Variants in GALNT13 observed in about 807,000 individuals in gnomAD.
The protein encoded by GALNT13 is polypeptide N-acetylgalactosaminyltransferase 13, also known as UDP-GalNAc:polypeptide N-acetylgalactosaminyltransferase 13.
GALNT13 carries 28 observed loss-of-function variants against 64.2 expected under a neutral mutation model. The observed-to-expected ratio is 0.44, with a 90% confidence interval of 0.32 to 0.60. The LOEUF is 0.60. Ranked by LOEUF, GALNT13 falls within the 20% of genes least tolerant of loss-of-function variation. The probability of loss-of-function intolerance (pLI) is 0.05; values close to 1 mark genes in which losing one functional copy is unlikely to be tolerated. For synonymous variants in GALNT13, 214 were observed against 224.6 expected (o/e 0.95, Z 0.42); for missense variants, 577 against 669.8 (o/e 0.86, Z 1.53).
chr2:154,333,030 G>A (rs1486369726), intron 9 of GALNT13, among the ~76,000 whole-genome samples: 1 of 151,980 alleles, frequency 6.6e-6, no homozygotes, highest in Admixed American at 6.6e-5. Context: ...TGCTTCTGTA[G>A]AGTTACCTTG....
At chr2:153,875,448 C>T (rs1278198891) in intron 1 of GALNT13, among the ~76,000 whole-genome samples, 1 of 152,114 alleles carries the variant, frequency 6.6e-6, no homozygotes, top group East Asian at 1.9e-4. Context: ...ACAGGTTTAA[C>T]TTATGCATCT....
At chr2:154,288,658 T>A (rs1005352646) in intron 8 of GALNT13, among the ~76,000 whole-genome samples, 1 of 152,162 alleles carries the variant, frequency 6.6e-6, no homozygotes, top group East Asian at 1.9e-4. Context: ...AAGTCTGAGA[T>A]CCAGTGGGGC....
intron 8 of GALNT13, among the ~76,000 whole-genome samples, chr2:154,270,276 A>G (rs1289646290): frequency 6.6e-6 from 1 of 151,908 alleles, no homozygotes; most frequent in Non-Finnish European, 1.5e-5. Context: ...ATGATGCTTT[A>G]CCTTGTAAAC....
chr2:153,683,642 G>T, the GALNT13 span, among the ~76,000 whole-genome samples: 1 of 151,594 alleles, frequency 6.6e-6, no homozygotes, highest in South Asian at 2.1e-4. Context: ...TAACGTGAAG[G>T]CTAGTGAGGG....
intron 4 of GALNT13, among the ~76,000 whole-genome samples, chr2:154,216,041 ATT>A (rs904882044): frequency 1.3e-5 from 2 of 152,008 alleles, no homozygotes; most frequent in Non-Finnish European, 2.9e-5. Flanking sequence ...TACATTTGAT[ATT>A]TTCTTTACCA....
intron 3 of GALNT13, among the ~76,000 whole-genome samples, chr2:154,134,464 A>C (rs1011298154): frequency 7.9e-5 from 12 of 152,198 alleles, no homozygotes; most frequent in African/African-American, 2.7e-4. Flanking sequence ...CTACTTTTTC[A>C]GAAGGTATTT....
intron 3 of GALNT13, among the ~76,000 whole-genome samples, chr2:153,987,623 C>T (rs1374776996): frequency 6.6e-6 from 1 of 151,718 alleles, no homozygotes; most frequent in Non-Finnish European, 1.5e-5. Context: ...TTATATTAGT[C>T]TAAGGCGTCT....
At chr2:154,107,322 C>T (rs185502862) in intron 3 of GALNT13, among the ~76,000 whole-genome samples, 1 of 152,222 alleles carries the variant, frequency 6.6e-6, no homozygotes, top group African/African-American at 2.4e-5. Context: ...TAGCTGGGCA[C>T]AGTGGCTCAT....
chr2:153,673,829 C>A, the GALNT13 span, among the ~76,000 whole-genome samples: 1 of 151,254 alleles, frequency 6.6e-6, no homozygotes, highest in African/African-American at 2.4e-5. Flanking sequence ...CCTAAAATCT[C>A]AAGCTGATAA....
chr2:153,330,794 C>T, the GALNT13 span, among the ~76,000 whole-genome samples: 1 of 152,110 alleles, frequency 6.6e-6, no homozygotes, highest in Non-Finnish European at 1.5e-5. Context: ...GAATGCTCTG[C>T]CTAGCCCTTC....
the GALNT13 span, among the ~76,000 whole-genome samples, chr2:153,167,568 A>AGATG: frequency 0.15 from 23,317 of 152,048 alleles, 1,926 homozygotes; most frequent in Non-Finnish European, 0.18. Context: ...AGGCTCCTTT[A>AGATG]GATGGCTTTC....
chr2:154,210,382 C>T (rs1329191048), intron 4 of GALNT13, among the ~76,000 whole-genome samples: 2 of 152,096 alleles, frequency 1.3e-5, no homozygotes, highest in Admixed American at 1.3e-4. Context: ...TATGGTAGTT[C>T]TATATGTAGC....
At chr2:153,549,476 C>T in the GALNT13 span, among the ~76,000 whole-genome samples, 1 of 152,150 alleles carries the variant, frequency 6.6e-6, no homozygotes, top group Non-Finnish European at 1.5e-5. Context: ...GGCCTCATGA[C>T]TTGCTTTGAC....
chr2:153,826,150 GT>G, the GALNT13 span, among the ~76,000 whole-genome samples: 1 of 152,232 alleles, frequency 6.6e-6, no homozygotes, highest in South Asian at 2.1e-4. Context: ...CTTGCATCTG[GT>G]GAGGGCCTTC....
the GALNT13 span, among the ~76,000 whole-genome samples, chr2:153,569,525 T>TA: frequency 2.8e-3 from 205 of 73,370 alleles, no homozygotes; most frequent in Middle Eastern, 0.015. Context: ...TCTTTTTTTT[T>TA]TAAAAAAAAT....
At chr2:153,580,528 A>T in the GALNT13 span, among the ~76,000 whole-genome samples, 1 of 152,178 alleles carries the variant, frequency 6.6e-6, no homozygotes, top group Non-Finnish European at 1.5e-5. Flanking sequence ...TTTTTCTAAA[A>T]AAATCTACAT....
At chr2:153,127,161 T>G in the GALNT13 span, among the ~76,000 whole-genome samples, 1 of 151,774 alleles carries the variant, frequency 6.6e-6, no homozygotes, top group Non-Finnish European at 1.5e-5. Context: ...CATTTTTTTT[T>G]GTCTTTGCTG....
the GALNT13 span, among the ~76,000 whole-genome samples, chr2:153,670,850 G>A: frequency 2.0e-5 from 3 of 152,176 alleles, no homozygotes; most frequent in Non-Finnish European, 4.4e-5. Context: ...GTGCAGAGAA[G>A]AGCTTAAATG....
intron 9 of GALNT13, among the ~76,000 whole-genome samples, chr2:154,354,876 G>C (rs150821821): frequency 4.6e-5 from 7 of 152,010 alleles, no homozygotes; most frequent in African/African-American, 1.7e-4. Flanking sequence ...CTTCATGTCA[G>C]GGTTCTTCTA....
Sources: allele counts gnomAD v4.1 joint callset (sites outside exome capture counted in the v4.1 genomes callset), GRCh38; gene constraint gnomAD v4.1.1; transcripts MANE v1.5; gene names NCBI Gene and HGNC (gene_info 2026-07-23, HGNC 2026-07-21).